The following AIM2 variants were observed in gnomAD, a reference collection of about 807,000 sequenced individuals.
AIM2 encodes absent in melanoma 2, also known as interferon-inducible protein AIM2.
In AIM2, 30 loss-of-function variants were observed where a neutral mutation model predicts 27.7. The observed-to-expected ratio is 1.08, with a 90% CI of 0.81 to 1.47. The LOEUF (loss-of-function observed/expected upper bound fraction) is 1.47. Ranked by LOEUF, AIM2 falls within the 40% of genes most tolerant of loss-of-function variation. The pLI, the probability that AIM2 is intolerant of heterozygous loss-of-function variation, is 0.00. For missense variants in AIM2, 358 were observed against 411.3 expected, an observed-to-expected ratio of 0.87 and a Z score of 1.12; for synonymous variants, 141 against 145.3, an observed-to-expected ratio of 0.97 and a Z score of 0.21.
intron 1 of AIM2, among the ~76,000 whole-genome samples, chr1:159,104,639 GATA>G (rs1269276737): frequency 1.3e-5 from 2 of 152,198 alleles, no homozygotes; most frequent in African/African-American, 4.8e-5. Context: ...ATGTTGAAGT[GATA>G]ATATTTTGGA....
At chr1:159,107,302 G>GTGTA (rs1162744789) in intron 1 of AIM2, among the ~76,000 whole-genome samples, 3 of 150,692 alleles carry the variant, frequency 2.0e-5, no homozygotes, top group Admixed American at 1.3e-4. Context: ...ATGTACATGT[G>GTGTA]TGTATGTGTG....
At chr1:159,126,565 C>T (rs1044779269) in intron 1 of AIM2, among the ~76,000 whole-genome samples, 4 of 147,594 alleles carry the variant, frequency 2.7e-5, no homozygotes, top group Non-Finnish European at 5.9e-5. Context: ...AGGAGAATGG[C>T]GTGAACCTGG....
intron 1 of AIM2, among the ~76,000 whole-genome samples, chr1:159,100,049 A>G (rs748580390): frequency 6.6e-6 from 1 of 152,234 alleles, no homozygotes; most frequent in Non-Finnish European, 1.5e-5. Context: ...CATGCCCACA[A>G]TAAGTGAACT....
chr1:159,073,964 G>A (rs1557895598), intron 1 of AIM2, among the ~76,000 whole-genome samples: 2 of 152,134 alleles, frequency 1.3e-5, no homozygotes, highest in Admixed American at 6.5e-5. Flanking sequence ...ATTTGAACCT[G>A]GGAGGTGGAG....
intron 4 of AIM2, 88 bp from the exon 5 acceptor site, chr1:159,063,762 C>G: frequency 7.5e-7 from 1 of 1,334,466 alleles, no homozygotes; most frequent in East Asian, 2.3e-5. Context: ...GAAGAAGGCT[C>G]TAAAAAGAAA....
At chr1:159,086,717 T>A (rs1181923098) in intron 1 of AIM2, among the ~76,000 whole-genome samples, 1 of 152,192 alleles carries the variant, frequency 6.6e-6, no homozygotes, top group Non-Finnish European at 1.5e-5. Context: ...CAAGTTAAAA[T>A]CCCTGCTCCA....
chr1:159,120,908 T>C (rs1647519984), intron 1 of AIM2, among the ~76,000 whole-genome samples: 1 of 152,210 alleles, frequency 6.6e-6, no homozygotes, highest in Admixed American at 6.5e-5. Flanking sequence ...TGATTCTTAT[T>C]TAGCAGTTAC....
chr1:159,116,075 T>G (rs1647339588), intron 1 of AIM2, among the ~76,000 whole-genome samples: 1 of 151,988 alleles, frequency 6.6e-6, no homozygotes, highest in Admixed American at 6.5e-5. Flanking sequence ...AAAAGACACA[T>G]GAAAAAATGC....
chr1:159,139,512 A>G (rs565860447), intron 1 of AIM2, among the ~76,000 whole-genome samples: 8 of 152,352 alleles, frequency 5.3e-5, no homozygotes, highest in South Asian at 4.1e-4. Context: ...ACTTGTAGGA[A>G]AGACAATATA....
At chr1:159,112,494 A>G (rs1657597251) in intron 1 of AIM2, among the ~76,000 whole-genome samples, 1 of 152,154 alleles carries the variant, frequency 6.6e-6, no homozygotes, top group Non-Finnish European at 1.5e-5. Flanking sequence ...AGACTACAAC[A>G]CTCTTATTTC....
At chr1:159,102,494 C>A (rs1187861521) in intron 1 of AIM2, among the ~76,000 whole-genome samples, 1 of 152,198 alleles carries the variant, frequency 6.6e-6, no homozygotes, top group African/African-American at 2.4e-5. Flanking sequence ...GAAAGTAGAT[C>A]CACAAACAGC....
intron 1 of AIM2, among the ~76,000 whole-genome samples, chr1:159,101,571 A>G (rs1657313266): frequency 1.3e-5 from 2 of 152,220 alleles, no homozygotes; most frequent in Non-Finnish European, 2.9e-5. Flanking sequence ...GAAGAAGACA[A>G]GAAGATGTGG....
intron 1 of AIM2, among the ~76,000 whole-genome samples, chr1:159,095,484 T>C (rs923802484): frequency 1.3e-5 from 2 of 152,210 alleles, no homozygotes; most frequent in African/African-American, 4.8e-5. Flanking sequence ...CACCCGGGCC[T>C]ACAGGGCCTC....
chr1:159,071,790 G>A (rs1280335867), intron 2 of AIM2, among the ~76,000 whole-genome samples: 6 of 152,190 alleles, frequency 3.9e-5, no homozygotes, highest in African/African-American at 1.2e-4. Flanking sequence ...GATTAAAGGC[G>A]TGAGCCACTG....
At chr1:159,129,852 A>G (rs1200952820) in intron 1 of AIM2, among the ~76,000 whole-genome samples, 1 of 152,118 alleles carries the variant, frequency 6.6e-6, no homozygotes, top group Non-Finnish European at 1.5e-5. Context: ...TGTCAAACAA[A>G]CCACTCCCTA....
chr1:159,076,624 G>A lies in AIM2; in HGVS notation c.-21+9C>T, dbSNP rs1413228588. 6.6e-6 allele frequency: 1 copy of A among 152,176 alleles called. No individual in the cohort carries two copies. Among genetic ancestry groups the A allele is most frequent in the Admixed American group, 6.5e-5 (1 of 15,276 alleles). 9.4% of individuals were successfully genotyped at this position (152,176 alleles called of 1,614,324 possible). On this transcript the variant is annotated intron_variant, in intron 1 of 5. Coordinates refer to ENST00000368130, the MANE Select transcript of AIM2 (RefSeq NM_004833.3). ...CTCGTCTCTAACCCAGCTCCTCTATGGTGCTTACCTCCTGATCCCTGGGGC... is the reference window on the plus strand; with the variant it reads ...CTCGTCTCTAACCCAGCTCCTCTATAGTGCTTACCTCCTGATCCCTGGGGC...
Position 159,063,554 on chromosome 1 carries a change from T to G in AIM2, c.937A>C (p.Thr313Pro), listed in dbSNP as rs750382048. Residue 313 changes from threonine (T) to proline (P), a missense_variant, in exon 5 of 6, where the codon ACA (threonine) becomes CCA (proline). Thr to Pro is a conservative substitution (Grantham distance 38, BLOSUM62 -1). Coordinates refer to ENST00000368130, the MANE Select transcript of AIM2 (RefSeq NM_004833.3). ...KCKEGDKVRL[T>P]FFTLSKNGEK... ...CCATTTTTTGACAGTGTGAAGAATG[T>G]AAGTCGAACCTTATCTCCTTCCTTA... 6 of 1,614,064 alleles carry G rather than the reference T, an allele frequency of 3.7e-6. No individual in the cohort carries two copies. In the African/African-American group the frequency reaches 8.0e-5, roughly 22 times the overall value.
At chr1:159,073,096 G>T (rs952676412) in intron 2 of AIM2, 142 bp downstream of exon 2, 6 of 1,002,802 alleles carry the variant, frequency 6.0e-6, no homozygotes, top group Non-Finnish European at 8.7e-6. Flanking sequence ...CTCAGTAAAA[G>T]GGGGCAAAGA....
chr1:159,104,673 A>G (rs1461930456), intron 1 of AIM2, among the ~76,000 whole-genome samples: 3 of 152,222 alleles, frequency 2.0e-5, no homozygotes, highest in Non-Finnish European at 4.4e-5. Context: ...TTAATCAGAT[A>G]TATTAAATTG....
Sources: gnomAD v4.1 joint callset for allele counts (sites outside exome capture counted in the v4.1 genomes callset) on GRCh38, gnomAD v4.1.1 for gene constraint, MANE v1.5 for transcripts, NCBI Gene and HGNC (gene_info 2026-07-23, HGNC 2026-07-21) for gene names.